The following RBM5 variants were observed in gnomAD, a reference collection of about 807,000 sequenced individuals.
The protein encoded by RBM5 is RNA binding motif protein 5, also known as RNA-binding protein 5.
RBM5 carries 15 observed loss-of-function variants against 124.6 expected under a neutral mutation model. That is an observed-to-expected ratio of 0.12 (90% confidence interval 0.08 to 0.19). The LOEUF (loss-of-function observed/expected upper bound fraction) is 0.19. Ranked by LOEUF, RBM5 falls within the 10% of genes least tolerant of loss-of-function variation. The pLI is 1.00. For missense variants in RBM5, 580 were observed against 1,026.5 expected, an observed-to-expected ratio of 0.57 and a Z score of 5.94; for synonymous variants, 337 against 361.2, an observed-to-expected ratio of 0.93 and a Z score of 0.76.
intron 7 of RBM5, 109 bp downstream of exon 7, chr3:50,103,275 T>A (rs988280356): frequency 4.5e-6 from 4 of 898,182 alleles, no homozygotes; most frequent in Middle Eastern, 2.7e-4. Context: ...CAATCATCAG[T>A]AATATTCATG....
In RBM5 at chr3:50,117,552, G is replaced by C; in HGVS notation, c.2322+173G>C. The C allele has an allele frequency of 1.1e-6, 1 of 904,268 alleles. No homozygotes were observed. The highest frequency in any genetic ancestry group is 1.8e-5 in the South Asian group (1 of 55,290). The allele number at this position is 904,268 out of a possible 1,614,324, so 56.0% of individuals were successfully genotyped here. A position where few individuals can be genotyped will look rare whatever the true frequency, so the allele number is the denominator to read the frequency against. On this transcript the variant is annotated intron_variant, in intron 24 of 24. Transcript: ENST00000347869. The surrounding 1 kb of genome is among the most constrained non-coding windows in gnomAD (Gnocchi z 4.2). ...TCCCAGCACTTTGGGAGGCCGAGGA[G>C]GGTGGATTGCCTGAGCCCAGAAGTT...
rs747393488 is a variant in RBM5 at position 50,108,126 on chromosome 3, T to C, written c.1098T>C (p.Asp366=). The C allele has an allele frequency of 6.5e-5, 104 of 1,611,328 alleles. No homozygotes were observed. Among genetic ancestry groups the C allele is most frequent in the Non-Finnish European group, 8.0e-5 (94 of 1,177,408 alleles). The change falls in exon 13 of 25, where the codon GAT becomes GAC. Residue 366 remains aspartate (D), a synonymous_variant. Coordinates refer to ENST00000347869, the MANE Select transcript of RBM5 (RefSeq NM_005778.4). Reference sequence around the variant, plus strand: ...ACAGTTATCTGCAACCAGGTCAAGATGGCTATGCCCAATATGCTCAGGTAG... The same window carrying C: ...ACAGTTATCTGCAACCAGGTCAAGACGGCTATGCCCAATATGCTCAGGTAG... ...VDYSYLQPGQ[D]GYAQYAQYSQ...
chr3:50,104,032 G>A (rs1354419004), intron 7 of RBM5, among the ~76,000 whole-genome samples: 1 of 152,096 alleles, frequency 6.6e-6, no homozygotes, highest in East Asian at 1.9e-4. Context: ...GATAATAATG[G>A]GATTCTTCTT....
Position 50,100,213 on chromosome 3 carries a change from G to T in RBM5, c.409+162G>T. ...CTCTTTGAAAACCATGTTAGCATCT[G>T]AGGAACTTTTTTAAACTTTGTTTTA... On this transcript the variant is annotated intron_variant, in intron 5 of 24. Transcript: ENST00000347869. The surrounding 1 kb of genome is among the most constrained non-coding windows in gnomAD (Gnocchi z 5.1). 1.4e-6 allele frequency: 1 copy of T among 698,126 alleles called. No individual in the cohort carries two copies. Among genetic ancestry groups the T allele is most frequent in the Non-Finnish European group, 2.3e-6 (1 of 433,654 alleles). 43.2% of individuals were successfully genotyped at this position (698,126 alleles called of 1,614,324 possible).
intron 21 of RBM5, 37 bp from the exon 22 acceptor site, chr3:50,115,869 C>T: frequency 6.4e-7 from 1 of 1,553,890 alleles, no homozygotes; most frequent in Admixed American, 1.7e-5. Flanking sequence ...TTAAGATGGT[C>T]TGAGTCCTTA....
At position 50,093,858 on chromosome 3, in the gene RBM5, A is replaced by G. The variant is rs2090755547; in HGVS notation, c.322A>G (p.Thr108Ala). Residue 108 changes from threonine to alanine, a missense_variant, in exon 4 of 25, where the codon ACC becomes GCC. Around this residue, in one of 6 missense-constraint regions of RBM5, gnomAD observed 101 missense variants for 223.2 expected, o/e 0.45. Coordinates refer to ENST00000347869, the MANE Select transcript of RBM5 (RefSeq NM_005778.4). ...CATCATGCTGCGCGGCCTTCCCATCACCATCACAGAGAGCGATGTAAGGGG... is the reference window on the plus strand; with the variant it reads ...CATCATGCTGCGCGGCCTTCCCATCGCCATCACAGAGAGCGATGTAAGGGG... ...KTIMLRGLPITITESDIREMM... is the reference protein window; with the variant it reads ...KTIMLRGLPIAITESDIREMM... 1.2e-6 allele frequency: 2 copies of G among 1,611,364 alleles called. No homozygotes were observed. Among genetic ancestry groups the G allele is most frequent in the Non-Finnish European group, 1.7e-6 (2 of 1,177,742 alleles).
rs1051530247 is a variant in RBM5, at chr3:50,118,568, G to C, written c.*112G>C. The C allele has an allele frequency of 6.3e-6, 9 of 1,424,916 alleles. No individual in the cohort carries two copies. The African/African-American group carries it at 1.3e-4, about 20-fold the overall frequency. 88.3% of individuals were successfully genotyped at this position (1,424,916 alleles called of 1,614,324 possible). ...TGCCTTGTGCTGTTAATAGATCTTA[G>C]GGTGAACCACTTCATTCTGCAGGGT... On this transcript the variant is annotated 3_prime_UTR_variant, in exon 25 of 25. Transcript: ENST00000347869.
rs1255478645 is a variant in RBM5 at position 50,118,387 on chromosome 3, G to C, written c.2379G>C (p.Leu793Phe). ...GLGAKGSAYG[L>F]SGADSYKDAV... ...GAGCCAAAGGCAGCGCATATGGTTT[G>C]TCGGGCGCCGATTCCTACAAAGATG... The change falls in exon 25 of 25, where the codon TTG (leucine) becomes TTC (phenylalanine). Residue 793 changes from leucine (L) to phenylalanine (F), a missense_variant. By Grantham distance (22) the Leu-to-Phe change is conservative (BLOSUM62 0). This residue lies in a region of RBM5 where 234 missense variants were observed against 435.1 expected (regional missense o/e 0.54). Coordinates refer to ENST00000347869, the MANE Select transcript of RBM5 (RefSeq NM_005778.4). The C allele has an allele frequency of 6.2e-7, 1 of 1,614,016 alleles. No individual in the cohort carries two copies. Among genetic ancestry groups the C allele is most frequent in the Non-Finnish European group, 8.5e-7 (1 of 1,180,038 alleles).
At chr3:50,114,282 C>A in intron 20 of RBM5, 31 bp downstream of exon 20, 1 of 1,577,396 alleles carries the variant, frequency 6.3e-7, no homozygotes, top group Non-Finnish European at 8.6e-7. Flanking sequence ...TTTTAAAGAC[C>A]CTATCTGTGG....
intron 4 of RBM5, 52 bp from the exon 5 acceptor site, chr3:50,099,930 G>A: frequency 2.0e-6 from 3 of 1,528,340 alleles, no homozygotes; most frequent in Non-Finnish European, 2.7e-6. Context: ...ATTCCATGGG[G>A]AATAGTGTGT....
intron 1 of RBM5, among the ~76,000 whole-genome samples, chr3:50,089,484 G>A (rs1211349226): frequency 6.6e-6 from 1 of 152,246 alleles, no homozygotes; most frequent in Admixed American, 6.5e-5. Flanking sequence ...AGGGCAGGCC[G>A]GACGCTGGAG....
In RBM5 at chr3:50,115,734, C is replaced by T. The variant is rs553671954; in HGVS notation, c.2019+127C>T. The T allele has an allele frequency of 5.9e-4, 752 of 1,274,090 alleles. 1 individual carries two copies. Among genetic ancestry groups the T allele is most frequent in the Non-Finnish European group, 7.6e-4 (693 of 913,296 alleles). The allele number at this position is 1,274,090 out of a possible 1,614,324, so 78.9% of individuals were successfully genotyped here. On this transcript the variant is annotated intron_variant, in intron 21 of 24. Coordinates refer to ENST00000347869, the MANE Select transcript of RBM5 (RefSeq NM_005778.4). ...TGATGGCCTTACAGAAAGCTGTTCC[C>T]GATGACAGTGGACGGAGTCTGGCAG...
intron 4 of RBM5, among the ~76,000 whole-genome samples, chr3:50,098,536 G>A (rs1252668600): frequency 4.0e-5 from 6 of 151,894 alleles, no homozygotes; most frequent in African/African-American, 1.2e-4. Flanking sequence ...TCCGCCTCCC[G>A]GGGTCAAGCG....
chr3:50,110,823 C>A, intron 17 of RBM5, 53 bp downstream of exon 17: 1 of 1,370,486 alleles, frequency 7.3e-7, no homozygotes, highest in South Asian at 1.3e-5. Flanking sequence ...TCGCTTAGTG[C>A]ATTTATGAGG....
At chr3:50,104,628 C>A in intron 8 of RBM5, 1 of 285,116 alleles carries the variant, frequency 3.5e-6, no homozygotes. Context: ...GGGCAACAAA[C>A]AAGACCCTGC....
intron 4 of RBM5, among the ~76,000 whole-genome samples, chr3:50,098,499 G>A (rs1228226607): frequency 6.6e-6 from 1 of 151,916 alleles, no homozygotes; most frequent in Non-Finnish European, 1.5e-5. Context: ...CTGGAGTGCA[G>A]TGGCGCGATC....
At chr3:50,090,602 C>G (rs1457218625) in intron 2 of RBM5, 151 bp downstream of exon 2, 2 of 869,362 alleles carry the variant, frequency 2.3e-6, no homozygotes, top group Non-Finnish European at 3.7e-6. Context: ...AAACTACAGT[C>G]TAGTGAGAGA....
At chr3:50,103,230 G>A in intron 7 of RBM5, 64 bp downstream of exon 7, 1 of 1,310,670 alleles carries the variant, frequency 7.6e-7, no homozygotes, top group Non-Finnish European at 1.1e-6. Flanking sequence ...TTTTCTGTTT[G>A]TTTATTTGAC....
chr3:50,089,598 C>T (rs759927522), intron 1 of RBM5, among the ~76,000 whole-genome samples: 2 of 152,246 alleles, frequency 1.3e-5, no homozygotes, highest in African/African-American at 4.8e-5. Context: ...GAATATGCCC[C>T]GGGACTTGTT....
Sources: allele counts gnomAD v4.1 joint callset (sites outside exome capture counted in the v4.1 genomes callset), GRCh38; gene constraint gnomAD v4.1.1; regional missense constraint gnomAD v4.1.1; non-coding constraint Gnocchi (gnomAD v3.1); transcripts MANE v1.5; gene names NCBI Gene and HGNC (gene_info 2026-07-23, HGNC 2026-07-21).